PLSCR5: variants seen among roughly 807,000 people sequenced by gnomAD.
PLSCR5 encodes the protein phospholipid scramblase family, member 5.
A neutral mutation model predicts 33.6 loss-of-function variants in PLSCR5; 44 were observed. The observed-to-expected ratio is 1.31, with a 90% confidence interval of 1.03 to 1.69. The LOEUF (loss-of-function observed/expected upper bound fraction) is 1.69. Ranked by LOEUF, PLSCR5 falls within the 40% of genes most tolerant of loss-of-function variation. The pLI is 0.00. For synonymous variants in PLSCR5, 148 were observed against 112.3 expected, an observed-to-expected ratio of 1.32 and a Z score of -2.01; for missense variants, 375 against 318.7, an observed-to-expected ratio of 1.18 and a Z score of -1.34.
chr3:146,589,714 T>C lies in PLSCR5; in HGVS notation c.716A>G (p.His239Arg), dbSNP rs369226137. 48 of 1,605,412 alleles carry C rather than the reference T, an allele frequency of 3.0e-5. No individual in the cohort carries two copies. The highest frequency in any genetic ancestry group is 4.0e-5 in the African/African-American group (3 of 74,772). The change falls in exon 6 of 8, where the codon CAT (histidine) becomes CGT (arginine). Residue 239 changes from histidine to arginine, a missense_variant. Transcript: ENST00000443512. ...TGTTACATCTAGATCTGCAGGAACA[T>C]GAATTCCGAAATTGTCAGCATTTGT... is the stretch of plus-strand genomic sequence containing the variant. The part of the protein sequence containing the change: ...VFTNADNFGI[H>R]VPADLDVTVK...
chr3:146,588,334 G>A (rs976376778), intron 6 of PLSCR5, among the ~76,000 whole-genome samples: 23 of 152,106 alleles, frequency 1.5e-4, no homozygotes, highest in African/African-American at 5.3e-4. Context: ...AGCCGGGTAT[G>A]GTGGCACATG....
chr3:146,589,384 G>A (rs1410180168), intron 6 of PLSCR5, among the ~76,000 whole-genome samples: 2 of 152,094 alleles, frequency 1.3e-5, no homozygotes, highest in East Asian at 3.9e-4. Context: ...AAAGCAAGGG[G>A]AAACTAGGTT....
intron 1 of PLSCR5, among the ~76,000 whole-genome samples, chr3:146,604,556 A>G (rs1192278240): frequency 6.6e-6 from 1 of 152,126 alleles, no homozygotes; most frequent in African/African-American, 2.4e-5. Flanking sequence ...AGAATCAATA[A>G]TAACGCATGT....
chr3:146,594,969 G>T, intron 3 of PLSCR5, 72 bp downstream of exon 3: 1 of 895,504 alleles, frequency 1.1e-6, no homozygotes, highest in Admixed American at 3.9e-5. Flanking sequence ...ATATTTAGAT[G>T]CAAAGAAACT....
At chr3:146,585,721 C>G (rs2044661008), downstream of PLSCR5, 1 of 161,890 alleles carries the variant, frequency 6.2e-6, no homozygotes. Context: ...ATCTTTCATG[C>G]TTACCATTGC....
At position 146,594,109 on chromosome 3, in the gene PLSCR5, A is replaced by G. The variant is rs1030518020; in HGVS notation, c.264T>C (p.Tyr88=). The change falls in exon 4 of 8, where the codon TAT becomes TAC. Residue 88 remains tyrosine (Y), a synonymous_variant. Coordinates refer to ENST00000443512, the MANE Select transcript of PLSCR5 (RefSeq NM_001085420.2). ...TTTGTCCCAAGCTGTTTTTAATCTC[A>G]TATTTGTTGGAGGTCTCAGTACCAA... ...MILGTETSNK[Y]EIKNSLGQRI... 6.2e-7 allele frequency: 1 copy of G among 1,605,146 alleles called. No homozygotes were observed.
chr3:146,605,072 C>A, intron 1 of PLSCR5, 128 bp downstream of exon 1: 1 of 940,484 alleles, frequency 1.1e-6, no homozygotes. Flanking sequence ...ATTTTAAAAT[C>A]ACAATGTTCA....
rs147421059 is a variant in PLSCR5 at position 146,586,060 on chromosome 3, C to A, written c.*14G>T. On this transcript the variant is annotated 3_prime_UTR_variant, in exon 7 of 8. Transcript: ENST00000443512. The stretch of plus-strand genomic sequence containing the variant: ...TATGTTCTGCATATTTTATTGTTTT[C>A]ATTATCTTGGTTATTATAATCCAGC... The A allele has an allele frequency of 2.2e-3, 3,255 of 1,475,952 alleles. 37 individuals are homozygous for A. Among genetic ancestry groups the A allele is most frequent in the Non-Finnish European group, 1.2e-3 (1,346 of 1,110,554 alleles). The allele number at this position is 1,475,952 out of a possible 1,614,324, so 91.4% of individuals were successfully genotyped here. A position where few individuals can be genotyped will look rare whatever the true frequency, so the allele number is the denominator to read the frequency against.
At chr3:146,593,826 A>T in intron 4 of PLSCR5, 94 bp downstream of exon 4, 1 of 1,102,268 alleles carries the variant, frequency 9.1e-7, no homozygotes, top group Non-Finnish European at 1.3e-6. Flanking sequence ...AACAACTGGC[A>T]GGTTAATTGC....
chr3:146,599,659 T>C (rs1023356047), intron 2 of PLSCR5, among the ~76,000 whole-genome samples: 1 of 147,406 alleles, frequency 6.8e-6, no homozygotes, highest in Admixed American at 7.0e-5. Flanking sequence ...CTAGATATGT[T>C]AGAAAATTTC....
chr3:146,579,456 T>TA (rs2044619309), intron 7 of PLSCR5, among the ~76,000 whole-genome samples: 1 of 152,188 alleles, frequency 6.6e-6, no homozygotes, highest in African/African-American at 2.4e-5. Context: ...AATCTAAAAA[T>TA]AATGTGTCCA....
downstream of PLSCR5, among the ~76,000 whole-genome samples, chr3:146,585,111 G>A (rs2044657720): frequency 6.6e-6 from 1 of 152,010 alleles, no homozygotes; most frequent in South Asian, 2.1e-4. Context: ...CTAGTGGATA[G>A]TAATCAGGAA....
In PLSCR5 at chr3:146,585,890, A is replaced by G. The variant is rs2044662160; in HGVS notation, c.*97T>C. 3 of 523,766 alleles carry G rather than the reference A, an allele frequency of 5.7e-6. No individual in the cohort carries two copies. The highest frequency in any genetic ancestry group is 7.1e-5 in the South Asian group (2 of 28,042). The allele number at this position is 523,766 out of a possible 1,614,324, so 32.4% of individuals were successfully genotyped here. ...TAATAATTAACATTTTTTTTTAACA[A>G]AAAAGCAAACATTCAAACCATTCAG... On this transcript the variant is annotated 3_prime_UTR_variant, in exon 8 of 8. Transcript: ENST00000443512.
At chr3:146,598,698 T>A (rs945054337) in intron 2 of PLSCR5, among the ~76,000 whole-genome samples, 3 of 152,226 alleles carry the variant, frequency 2.0e-5, no homozygotes, top group Non-Finnish European at 4.4e-5. Flanking sequence ...CTTTTATACT[T>A]GGCAAAACCT....
chr3:146,585,041 T>A (rs1262377019), downstream of PLSCR5, among the ~76,000 whole-genome samples: 1 of 152,164 alleles, frequency 6.6e-6, no homozygotes, highest in Non-Finnish European at 1.5e-5. Context: ...AAGGAGAGAA[T>A]AATTATTGTC....
In PLSCR5 at chr3:146,591,101, A is replaced by G. The variant is rs529554180; in HGVS notation, c.615+619T>C. ...GTAACGTGCTGCTGAAATGAGATCTAAACTGGGATATGTGATCTCAAGGCC... is the reference window on the plus strand; with the variant it reads ...GTAACGTGCTGCTGAAATGAGATCTGAACTGGGATATGTGATCTCAAGGCC... On this transcript the variant is annotated intron_variant, in intron 5 of 7. Transcript: ENST00000443512. 2.9e-4 allele frequency among the ~76,000 whole-genome samples: 44 copies of G among 150,988 alleles called. 1 individual carries two copies. The highest frequency in any genetic ancestry group is 9.0e-4 in the African/African-American group (37 of 41,192).
chr3:146,597,654 A>G (rs1030514561), intron 2 of PLSCR5, among the ~76,000 whole-genome samples: 1 of 152,192 alleles, frequency 6.6e-6, no homozygotes, highest in Non-Finnish European at 1.5e-5. Context: ...CTATGGCCCA[A>G]AGGGGCATTT....
At chr3:146,602,944 C>T (rs1260984735) in intron 1 of PLSCR5, among the ~76,000 whole-genome samples, 1 of 152,064 alleles carries the variant, frequency 6.6e-6, no homozygotes, top group African/African-American at 2.4e-5. Context: ...TGAGAGACAT[C>T]ACTATTCTGA....
At chr3:146,588,625 G>A (rs2044684647) in intron 6 of PLSCR5, among the ~76,000 whole-genome samples, 1 of 152,012 alleles carries the variant, frequency 6.6e-6, no homozygotes, top group South Asian at 2.1e-4. Context: ...AATGAGATGT[G>A]ACAAAATGGA....
Sources: gnomAD v4.1 joint callset for allele counts (sites outside exome capture counted in the v4.1 genomes callset) on GRCh38, gnomAD v4.1.1 for gene constraint, MANE v1.5 for transcripts, NCBI Gene and HGNC (gene_info 2026-07-23, HGNC 2026-07-21) for gene names.